The following SCHIP1 variants were observed in gnomAD, a reference collection of about 807,000 sequenced individuals.
The protein encoded by SCHIP1 is schwannomin interacting protein 1, also known as schwannomin-interacting protein 1.
SCHIP1 carries 8 observed loss-of-function variants against 29.7 expected under a neutral mutation model. That is an observed-to-expected ratio of 0.27 (90% CI 0.16 to 0.49). SCHIP1 has a LOEUF of 0.49. SCHIP1 is among the 20% of genes least tolerant of loss of function. SCHIP1 has a pLI of 0.99. For missense variants in SCHIP1, 193 were observed against 294.6 expected (o/e 0.66, Z 2.52); for synonymous variants, 76 against 94.9 (o/e 0.80, Z 1.16).
the SCHIP1 span, among the ~76,000 whole-genome samples, chr3:159,411,916 GC>G: frequency 6.6e-6 from 1 of 152,230 alleles, no homozygotes; most frequent in South Asian, 2.1e-4. Flanking sequence ...ACCAAGAAAA[GC>G]CTAGACTTGA....
At chr3:159,655,378 T>C in the SCHIP1 span, among the ~76,000 whole-genome samples, 1 of 151,978 alleles carries the variant, frequency 6.6e-6, no homozygotes, top group Non-Finnish European at 1.5e-5. Context: ...GCAGTAGTAG[T>C]AGTGATGATG....
the SCHIP1 span, among the ~76,000 whole-genome samples, chr3:159,384,578 G>C: frequency 6.6e-6 from 1 of 151,186 alleles, no homozygotes. Flanking sequence ...CTCTTTTTTG[G>C]TTGTGTCTCT....
At chr3:159,668,250 G>A in the SCHIP1 span, among the ~76,000 whole-genome samples, 97 of 152,086 alleles carry the variant, frequency 6.4e-4, no homozygotes, top group African/African-American at 2.0e-3. Context: ...GGTGGCAGGC[G>A]CCTGTAGTCC....
chr3:159,870,993 T>C (rs1249326013), intron 2 of SCHIP1, among the ~76,000 whole-genome samples: 1 of 152,190 alleles, frequency 6.6e-6, no homozygotes. Flanking sequence ...ACATACTTTT[T>C]ATTTCCTCAG....
the SCHIP1 span, among the ~76,000 whole-genome samples, chr3:159,361,412 G>A: frequency 6.6e-6 from 1 of 152,168 alleles, no homozygotes; most frequent in Admixed American, 6.5e-5. Flanking sequence ...GAGCAAGAAG[G>A]TCACCTTGGC....
At chr3:159,289,811 G>C in the SCHIP1 span, among the ~76,000 whole-genome samples, 1 of 152,142 alleles carries the variant, frequency 6.6e-6, no homozygotes, top group South Asian at 2.1e-4. Context: ...CAACAGGAGA[G>C]GAAATAAATG....
chr3:159,652,103 C>CAA, the SCHIP1 span, among the ~76,000 whole-genome samples: 33 of 137,718 alleles, frequency 2.4e-4, no homozygotes, highest in African/African-American at 8.5e-4. Flanking sequence ...GACTCCATCT[C>CAA]AAAAAAAAAA....
At chr3:159,377,506 C>T in the SCHIP1 span, among the ~76,000 whole-genome samples, 1 of 152,192 alleles carries the variant, frequency 6.6e-6, no homozygotes, top group African/African-American at 2.4e-5. Context: ...GAATCTATTG[C>T]ATTGTTCAGA....
the SCHIP1 span, among the ~76,000 whole-genome samples, chr3:159,754,925 A>G: frequency 6.6e-6 from 1 of 152,102 alleles, no homozygotes; most frequent in Non-Finnish European, 1.5e-5. Context: ...GACATACCGG[A>G]GATGCGCAAT....
intron 1 of SCHIP1, among the ~76,000 whole-genome samples, chr3:159,846,239 T>C (rs1711824886): frequency 6.6e-6 from 1 of 152,138 alleles, no homozygotes; most frequent in African/African-American, 2.4e-5. Context: ...ATACCGAAGT[T>C]TTCTGTGGCC....
the SCHIP1 span, among the ~76,000 whole-genome samples, chr3:159,776,400 G>A: frequency 6.7e-6 from 1 of 149,754 alleles, no homozygotes; most frequent in Non-Finnish European, 1.5e-5. Context: ...TCAACAGTGT[G>A]GAAGGGGACC....
At position 159,885,249 on chromosome 3, in the gene SCHIP1, C is replaced by A. The variant is rs369609492; in HGVS notation, c.150-958C>A. On this transcript the variant is annotated intron_variant, in intron 2 of 6. Coordinates refer to ENST00000445224, the Ensembl canonical transcript of SCHIP1. ...TGGCTTAGGTCAGCTTCCTTGGGAT[C>A]TTTTCTTGCGTAGGAACCTCCTTTT... Among the ~76,000 whole-genome samples the A allele has an allele frequency of 5.2e-3, 785 of 152,270 alleles. 59 individuals are homozygous for A. In the South Asian group the frequency reaches 0.16, roughly 31 times the overall value.
At chr3:159,604,505 G>T in the SCHIP1 span, among the ~76,000 whole-genome samples, 1 of 152,176 alleles carries the variant, frequency 6.6e-6, no homozygotes, top group Non-Finnish European at 1.5e-5. Flanking sequence ...TCTGTGCCAG[G>T]CACTGTGCCA....
At chr3:159,561,161 A>G in the SCHIP1 span, among the ~76,000 whole-genome samples, 8 of 152,220 alleles carry the variant, frequency 5.3e-5, no homozygotes, top group Non-Finnish European at 1.2e-4. Context: ...TGATTATCAG[A>G]CTAGGGTCAT....
At chr3:159,694,585 A>AAAGAAAG in the SCHIP1 span, among the ~76,000 whole-genome samples, 1 of 144,950 alleles carries the variant, frequency 6.9e-6, no homozygotes, top group Non-Finnish European at 1.5e-5. Flanking sequence ...AGAAAGAAAG[A>AAAGAAAG]AAGAAAGAAA....
the SCHIP1 span, among the ~76,000 whole-genome samples, chr3:159,494,544 C>A: frequency 6.6e-6 from 1 of 152,106 alleles, no homozygotes; most frequent in South Asian, 2.1e-4. Flanking sequence ...CCCTCTCAAG[C>A]CTAAACCAGG....
the SCHIP1 span, among the ~76,000 whole-genome samples, chr3:159,678,337 T>G: frequency 6.6e-6 from 1 of 152,222 alleles, no homozygotes; most frequent in African/African-American, 2.4e-5. Context: ...GAGAAATGAA[T>G]GATTGATAGT....
chr3:159,491,852 G>T, the SCHIP1 span, among the ~76,000 whole-genome samples: 1 of 152,218 alleles, frequency 6.6e-6, no homozygotes, highest in African/African-American at 2.4e-5. Flanking sequence ...GCACCCCCAA[G>T]TAGGGGCAGA....
At chr3:159,400,791 C>T in the SCHIP1 span, among the ~76,000 whole-genome samples, 1 of 152,092 alleles carries the variant, frequency 6.6e-6, no homozygotes, top group Non-Finnish European at 1.5e-5. Context: ...ACTCTAACTC[C>T]CCTTTCATTT....
Sources: gnomAD v4.1 joint callset for allele counts (sites outside exome capture counted in the v4.1 genomes callset) on GRCh38, gnomAD v4.1.1 for gene constraint, MANE v1.5 for transcripts, NCBI Gene and HGNC (gene_info 2026-07-23, HGNC 2026-07-21) for gene names.